The following CREB5 variants were observed in gnomAD, a reference collection of about 807,000 sequenced individuals.
CREB5 encodes cyclic AMP-responsive element-binding protein 5.
CREB5 carries 19 observed loss-of-function variants against 57.1 expected under a neutral mutation model. That is an observed-to-expected ratio of 0.33 (90% confidence interval 0.23 to 0.49). CREB5 has a LOEUF of 0.49. Among genes scored for constraint, CREB5 ranks in the 20% least tolerant of loss-of-function variants. The pLI is 0.99. For missense variants in CREB5, 579 were observed against 671.6 expected (o/e 0.86, Z 1.52); for synonymous variants, 238 against 238.3 (o/e 1.00, Z 0.01).
chr7:28,641,598 G>GA (rs146985013), intron 5 of CREB5, among the ~76,000 whole-genome samples: 1 of 152,082 alleles, frequency 6.6e-6, no homozygotes, highest in African/African-American at 2.4e-5. Flanking sequence ...TTGCTTCAGG[G>GA]AAAAAACAAA....
chr7:28,333,774 A>AT lies in CREB5; in HGVS notation c.-25+34340dup, dbSNP rs112083250. Among the ~76,000 whole-genome samples the AT allele has an allele frequency of 6.3e-3, 966 of 152,258 alleles. 5 individuals carry two copies. Among genetic ancestry groups the AT allele is most frequent in the African/African-American group, 0.022 (912 of 41,554 alleles). Reference sequence around the variant, plus strand: ...GTACTCCATTGTGTATATGTACCACATTTTTTTAATCCATTCATCTGCTGA... The same window carrying AT: ...GTACTCCATTGTGTATATGTACCACATTTTTTTTAATCCATTCATCTGCTGA... On this transcript the variant is annotated intron_variant, in intron 1 of 9. Transcript: ENST00000396299.
At chr7:28,458,514 A>G (rs1790212854) in intron 1 of CREB5, among the ~76,000 whole-genome samples, 1 of 152,248 alleles carries the variant, frequency 6.6e-6, no homozygotes, top group Non-Finnish European at 1.5e-5. Flanking sequence ...AAGGCCCTTT[A>G]CTATTACTGA....
intron 4 of CREB5, among the ~76,000 whole-genome samples, chr7:28,549,381 A>G (rs1416513637): frequency 6.6e-6 from 1 of 152,166 alleles, no homozygotes; most frequent in Non-Finnish European, 1.5e-5. Flanking sequence ...GGAAACTGCA[A>G]CCCTACACAT....
intron 5 of CREB5, among the ~76,000 whole-genome samples, chr7:28,680,671 A>C (rs1234518072): frequency 1.4e-4 from 21 of 151,880 alleles, no homozygotes; most frequent in Admixed American, 1.4e-3. Flanking sequence ...AGGTGGGGGA[A>C]TCATTTGAGC....
intron 4 of CREB5, among the ~76,000 whole-genome samples, chr7:28,515,048 A>T (rs1357550941): frequency 6.6e-6 from 1 of 152,182 alleles, no homozygotes; most frequent in Non-Finnish European, 1.5e-5. Flanking sequence ...GTGACTGGGG[A>T]TGGTAACAAT....
chr7:28,361,458 G>A (rs960903742), intron 1 of CREB5, among the ~76,000 whole-genome samples: 1 of 152,202 alleles, frequency 6.6e-6, no homozygotes, highest in Admixed American at 6.5e-5. Flanking sequence ...AAGCAAAAGA[G>A]GCCACATCCT....
chr7:28,778,565 A>G lies in CREB5; in HGVS notation c.703-25634A>G, dbSNP rs146188566. Among the ~76,000 whole-genome samples, 709 of 152,340 alleles carry G rather than the reference A, an allele frequency of 4.7e-3. 7 individuals are homozygous for G. The highest frequency in any genetic ancestry group is 0.015 in the African/African-American group (619 of 41,586). On this transcript the variant is annotated intron_variant, in intron 7 of 10. Transcript: ENST00000357727. ...ACTTACAGATATTAACACAAGGACT[A>G]TTTCCATGGGCATATAAATAATAAG... is the stretch of plus-strand genomic sequence containing the variant.
At chr7:28,681,973 G>C (rs1189226904) in intron 5 of CREB5, among the ~76,000 whole-genome samples, 1 of 152,200 alleles carries the variant, frequency 6.6e-6, no homozygotes, top group Non-Finnish European at 1.5e-5. Context: ...AATGGCTCTT[G>C]TGACCTCTTA....
At chr7:28,786,910 C>T (rs1482454766) in intron 7 of CREB5, among the ~76,000 whole-genome samples, 2 of 152,128 alleles carry the variant, frequency 1.3e-5, no homozygotes, top group South Asian at 2.1e-4. Flanking sequence ...TATGTAATTG[C>T]TTTTGGAGAA....
intron 5 of CREB5, among the ~76,000 whole-genome samples, chr7:28,579,844 G>A (rs568586986): frequency 6.6e-6 from 1 of 152,298 alleles, no homozygotes; most frequent in East Asian, 1.9e-4. Flanking sequence ...TGTCAGATGA[G>A]CAATGACATT....
At chr7:28,448,528 C>T (rs1038662892) in intron 1 of CREB5, among the ~76,000 whole-genome samples, 1 of 152,180 alleles carries the variant, frequency 6.6e-6, no homozygotes, top group Non-Finnish European at 1.5e-5. Flanking sequence ...GTGTTAGTGA[C>T]ATGGAGCTGG....
chr7:28,822,701 G>GA lies in CREB5; in HGVS notation c.*3422_*3423insA. 2 of 152,672 alleles carry GA rather than the reference G, an allele frequency of 1.3e-5. No individual in the cohort carries two copies. Among genetic ancestry groups the GA allele is most frequent in the Non-Finnish European group, 2.9e-5 (2 of 68,066 alleles). The allele number at this position is 152,672 out of a possible 1,614,324, so 9.5% of individuals were successfully genotyped here. On this transcript the variant is annotated 3_prime_UTR_variant, in exon 11 of 11. Coordinates refer to ENST00000357727, the MANE Select transcript of CREB5 (RefSeq NM_182898.4). ...TGAGAGCATTTCTATCAGGTAAACT[G>GA]TCACTTAAATGGAGGTGTCCACATC...
At chr7:28,809,534 C>G in intron 9 of CREB5, 120 bp downstream of exon 9, 2 of 860,640 alleles carry the variant, frequency 2.3e-6, no homozygotes, top group South Asian at 3.7e-5. Flanking sequence ...CACAGAGGAG[C>G]CGCAGCCCCA....
intron 7 of CREB5, among the ~76,000 whole-genome samples, chr7:28,784,802 A>C (rs1807216410): frequency 6.6e-6 from 1 of 152,146 alleles, no homozygotes; most frequent in Non-Finnish European, 1.5e-5. Context: ...TCTAATGCCA[A>C]ACAGCTTTTG....
intron 7 of CREB5, among the ~76,000 whole-genome samples, chr7:28,760,285 G>A (rs957837925): frequency 1.3e-5 from 2 of 152,174 alleles, no homozygotes; most frequent in Non-Finnish European, 2.9e-5. Context: ...TCCTCTCCCA[G>A]GAGACTCAAT....
chr7:28,398,493 C>T (rs1787382298), intron 1 of CREB5, among the ~76,000 whole-genome samples: 2 of 152,160 alleles, frequency 1.3e-5, no homozygotes, highest in Non-Finnish European at 2.9e-5. Flanking sequence ...TATCCCATAT[C>T]AATGGAATCA....
At chr7:28,322,926 TA>T (rs1276212737) in intron 1 of CREB5, among the ~76,000 whole-genome samples, 1 of 152,186 alleles carries the variant, frequency 6.6e-6, no homozygotes, top group Non-Finnish European at 1.5e-5. Context: ...TCATTTTCTA[TA>T]ATTATCCACT....
At chr7:28,660,795 G>C (rs1267927332) in intron 5 of CREB5, among the ~76,000 whole-genome samples, 5 of 151,616 alleles carry the variant, frequency 3.3e-5, no homozygotes, top group Admixed American at 3.3e-4. Context: ...AACTCATTCT[G>C]GGAAGTGCTG....
At chr7:28,639,334 C>T (rs548192928) in intron 5 of CREB5, among the ~76,000 whole-genome samples, 1 of 149,338 alleles carries the variant, frequency 6.7e-6, no homozygotes. Context: ...AAAATACCAA[C>T]AGACATTCCT....
Sources: gnomAD v4.1 joint callset for allele counts (sites outside exome capture counted in the v4.1 genomes callset) on GRCh38, gnomAD v4.1.1 for gene constraint, MANE v1.5 for transcripts, NCBI Gene and HGNC (gene_info 2026-07-23, HGNC 2026-07-21) for gene names.